DCUN1D5: variants seen among roughly 807,000 people sequenced by gnomAD.
DCUN1D5 encodes DCN1-like protein 5.
A neutral mutation model predicts 38.3 loss-of-function variants in DCUN1D5; 10 were observed. That is an observed-to-expected ratio of 0.26 (90% CI 0.16 to 0.44). The LOEUF is 0.44. Among genes scored for constraint, DCUN1D5 ranks in the 20% least tolerant of loss-of-function variants. DCUN1D5 has a pLI of 1.00. For missense variants in DCUN1D5, 148 were observed against 275.3 expected (o/e 0.54, Z 3.27); for synonymous variants, 93 against 90.9 (o/e 1.02, Z -0.13).
chr11:103,078,038 T>C lies in DCUN1D5; in HGVS notation c.341+4710A>G, dbSNP rs1455443634. 6.6e-6 allele frequency among the ~76,000 whole-genome samples: 1 copy of C among 152,122 alleles called. No homozygotes were observed. Among genetic ancestry groups the C allele is most frequent in the South Asian group, 2.1e-4 (1 of 4,822 alleles). On this transcript the variant is annotated intron_variant, in intron 4 of 7. Coordinates refer to ENST00000260247, the MANE Select transcript of DCUN1D5 (RefSeq NM_032299.4). This position sits in a 1 kb window ranked among gnomAD's most constrained non-coding sequence, Gnocchi z 4.6. ...AAAAAAAAATCATATAAATGTTCCCTATTCCCCTCTCGCTAAGACGGTCAA... is the reference window on the plus strand; with the variant it reads ...AAAAAAAAATCATATAAATGTTCCCCATTCCCCTCTCGCTAAGACGGTCAA...
intron 4 of DCUN1D5, among the ~76,000 whole-genome samples, chr11:103,074,578 G>C (rs1246975370): frequency 6.6e-6 from 1 of 152,102 alleles, no homozygotes. Flanking sequence ...GCTAATTTTT[G>C]TATTTTTAGT....
intron 4 of DCUN1D5, among the ~76,000 whole-genome samples, chr11:103,074,981 CAG>C (rs1432981106): frequency 6.6e-6 from 1 of 152,098 alleles, no homozygotes; most frequent in Non-Finnish European, 1.5e-5. Context: ...CCATTACAAA[CAG>C]GGGAGTCTTA....
intron 2 of DCUN1D5, among the ~76,000 whole-genome samples, chr11:103,085,547 C>A (rs1862683325): frequency 6.6e-6 from 1 of 152,144 alleles, no homozygotes; most frequent in African/African-American, 2.4e-5. Flanking sequence ...AATGAGATTA[C>A]ATAGAGATAT....
At chr11:103,069,051 G>T (rs150665200) in intron 4 of DCUN1D5, among the ~76,000 whole-genome samples, 1 of 152,258 alleles carries the variant, frequency 6.6e-6, no homozygotes, top group African/African-American at 2.4e-5. Context: ...AAGTGGTGCA[G>T]ATAAAAGAGG....
rs2134631821 is a variant in DCUN1D5 at position 103,083,501 on chromosome 11, G to T, written c.179-175C>A. Among the ~76,000 whole-genome samples, 1 of 151,962 alleles carries T rather than the reference G, an allele frequency of 6.6e-6. No individual in the cohort carries two copies. Among genetic ancestry groups the T allele is most frequent in the East Asian group, 1.9e-4 (1 of 5,164 alleles). ...CTACAGGATTTAAAATTTAAAATTTGTGAAGTATTCTTTGAACACCAGATT... is the reference window on the plus strand; with the variant it reads ...CTACAGGATTTAAAATTTAAAATTTTTGAAGTATTCTTTGAACACCAGATT... On this transcript the variant is annotated intron_variant, in intron 2 of 7. Transcript: ENST00000260247. This position sits in a 1 kb window ranked among gnomAD's most constrained non-coding sequence, Gnocchi z 4.4.
rs931852329 is a variant in DCUN1D5 at position 103,059,322 on chromosome 11, G to C, written c.*3037C>G. ...TACCTTGTATGCCTTGAAAACTCTG[G>C]AGTTATCTCAGAATTTACTCCCACC... On this transcript the variant is annotated 3_prime_UTR_variant, in exon 8 of 8. Coordinates refer to ENST00000260247, the MANE Select transcript of DCUN1D5 (RefSeq NM_032299.4). Among the ~76,000 whole-genome samples, 1 of 151,880 alleles carries C rather than the reference G, an allele frequency of 6.6e-6. No individual in the cohort carries two copies. The highest frequency in any genetic ancestry group is 1.5e-5 in the Non-Finnish European group (1 of 67,978).
At chr11:103,089,441 T>C in intron 1 of DCUN1D5, 123 bp from the exon 2 acceptor site, 1 of 828,238 alleles carries the variant, frequency 1.2e-6, no homozygotes, top group Non-Finnish European at 1.8e-6. Context: ...CGGTTGGCAT[T>C]GTTGGAAAAA....
Position 103,057,101 on chromosome 11 carries a change from A to C in DCUN1D5, c.*5258T>G, listed in dbSNP as rs1861894075. On this transcript the variant is annotated 3_prime_UTR_variant, in exon 8 of 8. Transcript: ENST00000260247. The surrounding 1 kb of genome is among the most constrained non-coding windows in gnomAD (Gnocchi z 4.8). ...TCAATAGGCATAGTTTCAGGGAATAATGTAAATTTCAAATAGGTAAGATTT... is the reference window on the plus strand; with the variant it reads ...TCAATAGGCATAGTTTCAGGGAATACTGTAAATTTCAAATAGGTAAGATTT... Among the ~76,000 whole-genome samples, 1 of 152,210 alleles carries C rather than the reference A, an allele frequency of 6.6e-6. No homozygotes were observed. Among genetic ancestry groups the C allele is most frequent in the Admixed American group, 6.5e-5 (1 of 15,276 alleles).
In DCUN1D5 at chr11:103,091,623, T is replaced by A; in HGVS notation, c.86+164A>T. ...GCACACACTCGAACACGAGGTCGGG[T>A]CGGGCGCGGAGACTCGCGGTGTTCG... On this transcript the variant is annotated intron_variant, in intron 1 of 7. Transcript: ENST00000260247. The surrounding 1 kb of genome is among the most constrained non-coding windows in gnomAD (Gnocchi z 4.3). 1 of 1,287,958 alleles carries A rather than the reference T, an allele frequency of 7.8e-7. No homozygotes were observed. Among genetic ancestry groups the A allele is most frequent in the Non-Finnish European group, 1.1e-6 (1 of 920,986 alleles). 79.8% of individuals were successfully genotyped at this position (1,287,958 alleles called of 1,614,324 possible).
chr11:103,084,283 AT>A (rs1282644389), intron 2 of DCUN1D5, among the ~76,000 whole-genome samples: 1 of 152,174 alleles, frequency 6.6e-6, no homozygotes, highest in Non-Finnish European at 1.5e-5. Flanking sequence ...AAGGATGAAA[AT>A]CCTCCAGCTT....
Position 103,083,164 on chromosome 11 carries a change from C to T in DCUN1D5, c.249+92G>A. On this transcript the variant is annotated intron_variant, in intron 3 of 7. Transcript: ENST00000260247. The surrounding 1 kb of genome is among the most constrained non-coding windows in gnomAD (Gnocchi z 4.4). Reference sequence around the variant, plus strand: ...AATATTAAACATGAAGAAATAAAATCTTCATACAAGATTAAAGTGTCTCGA... The same window carrying T: ...AATATTAAACATGAAGAAATAAAATTTTCATACAAGATTAAAGTGTCTCGA... 1 of 688,694 alleles carries T rather than the reference C, an allele frequency of 1.5e-6. No homozygotes were observed. Among genetic ancestry groups the T allele is most frequent in the Non-Finnish European group, 2.6e-6 (1 of 390,410 alleles). 42.7% of individuals were successfully genotyped at this position (688,694 alleles called of 1,614,324 possible). A position where few individuals can be genotyped will look rare whatever the true frequency, so the allele number is the denominator to read the frequency against.
intron 4 of DCUN1D5, among the ~76,000 whole-genome samples, chr11:103,081,613 A>C (rs1862565925): frequency 6.6e-6 from 1 of 152,170 alleles, no homozygotes; most frequent in Non-Finnish European, 1.5e-5. Flanking sequence ...TCTAGGTTCT[A>C]ACTAAGCACT....
At position 103,055,654 on chromosome 11, in the gene DCUN1D5, A is replaced by G. The variant is rs1861856086; in HGVS notation, c.*6705T>C. The G allele has an allele frequency of 6.6e-6, 1 of 152,190 alleles. No individual in the cohort carries two copies. The highest frequency in any genetic ancestry group is 2.4e-5 in the African/African-American group (1 of 41,446). The allele number at this position is 152,190 out of a possible 1,614,324, so 9.4% of individuals were successfully genotyped here. A position where few individuals can be genotyped will look rare whatever the true frequency, so the allele number is the denominator to read the frequency against. ...TTAACATTTTATTTCTATTTGAAAA[A>G]TCACAAAAGTTGGCCTTGAATTTCA... is the stretch of plus-strand genomic sequence containing the variant. On this transcript the variant is annotated 3_prime_UTR_variant, in exon 8 of 8. Transcript: ENST00000260247.
In DCUN1D5 at chr11:103,054,118, G is replaced by A. The variant is rs189609480; in HGVS notation, c.*8241C>T. On this transcript the variant is annotated 3_prime_UTR_variant, in exon 8 of 8. Transcript: ENST00000260247. ...TTCATGTCAAACTTCTCAAACTGACGTAAGCCAGATAGAGAGAACCTCCCA... is the reference window on the plus strand; with the variant it reads ...TTCATGTCAAACTTCTCAAACTGACATAAGCCAGATAGAGAGAACCTCCCA... 9 of 152,148 alleles carry A rather than the reference G, an allele frequency of 5.9e-5. No homozygotes were observed. The highest frequency in any genetic ancestry group is 3.9e-4 in the Admixed American group (6 of 15,258). 9.4% of individuals were successfully genotyped at this position (152,148 alleles called of 1,614,324 possible).
intron 4 of DCUN1D5, among the ~76,000 whole-genome samples, chr11:103,069,803 A>G (rs1862226569): frequency 1.3e-5 from 2 of 152,224 alleles, no homozygotes; most frequent in South Asian, 4.1e-4. Flanking sequence ...ACCTGGCAGT[A>G]ATAAGGTGGC....
intron 4 of DCUN1D5, among the ~76,000 whole-genome samples, chr11:103,082,395 A>G (rs1391374426): frequency 1.3e-5 from 2 of 152,080 alleles, no homozygotes; most frequent in Admixed American, 1.3e-4. Flanking sequence ...GGGCTGCCCA[A>G]CGAACATACT....
chr11:103,066,407 G>A lies in DCUN1D5; in HGVS notation c.451-34C>T. On this transcript the variant is annotated intron_variant, in intron 5 of 7. Coordinates refer to ENST00000260247, the MANE Select transcript of DCUN1D5 (RefSeq NM_032299.4). This position sits in a 1 kb window ranked among gnomAD's most constrained non-coding sequence, Gnocchi z 4.7. ...TAAGTGAAAAAGTTTTCCTAAGTGT[G>A]GTCTCAAGATGAAAAGCTATTAAAA... is the stretch of plus-strand genomic sequence containing the variant. 2 of 1,594,244 alleles carry A rather than the reference G, an allele frequency of 1.3e-6. No individual in the cohort carries two copies. The highest frequency in any genetic ancestry group is 1.7e-6 in the Non-Finnish European group (2 of 1,166,882).
rs1340548915 is a variant in DCUN1D5, at chr11:103,060,486, A to T, written c.*1873T>A. 7.2e-5 allele frequency among the ~76,000 whole-genome samples: 11 copies of T among 152,136 alleles called. No homozygotes were observed. Among genetic ancestry groups the T allele is most frequent in the Admixed American group, 6.6e-4 (10 of 15,262 alleles). ...CATACACGGGGAGGGCTGACTTTTT[A>T]TACAGGCAGGTTCCACAGGGATGAC... On this transcript the variant is annotated 3_prime_UTR_variant, in exon 8 of 8. Coordinates refer to ENST00000260247, the MANE Select transcript of DCUN1D5 (RefSeq NM_032299.4).
intron 4 of DCUN1D5, among the ~76,000 whole-genome samples, chr11:103,075,148 C>A (rs1488416828): frequency 6.6e-6 from 1 of 152,144 alleles, no homozygotes; most frequent in Admixed American, 6.5e-5. Context: ...CCACTTATTG[C>A]ATAAGTTTGT....
Sources: allele counts gnomAD v4.1 joint callset (sites outside exome capture counted in the v4.1 genomes callset), GRCh38; gene constraint gnomAD v4.1.1; non-coding constraint Gnocchi (gnomAD v3.1); transcripts MANE v1.5; gene names NCBI Gene and HGNC (gene_info 2026-07-23, HGNC 2026-07-21).